Variants in SYNPO2 observed in about 807,000 individuals in gnomAD.
SYNPO2 encodes the protein synaptopodin-2.
A neutral mutation model predicts 85.0 loss-of-function variants in SYNPO2; 56 were observed. The observed-to-expected ratio is 0.66, with a 90% CI of 0.53 to 0.82. The LOEUF (loss-of-function observed/expected upper bound fraction) is 0.82, where lower values mean the gene tolerates loss of function less well. SYNPO2 is among the 40% of genes least tolerant of loss of function. The pLI is 0.00. For synonymous variants in SYNPO2, 602 were observed against 591.1 expected (o/e 1.02, Z -0.27); for missense variants, 1,575 against 1,534.2 (o/e 1.03, Z -0.44).
intron 1 of SYNPO2, among the ~76,000 whole-genome samples, chr4:118,974,350 A>ACAGT (rs1350258846): frequency 1.3e-5 from 2 of 152,262 alleles, no homozygotes; most frequent in African/African-American, 4.8e-5. Flanking sequence ...TTGTGAATAT[A>ACAGT]CAGTCCATCC....
At chr4:118,917,564 T>A (rs995316297) in intron 1 of SYNPO2, among the ~76,000 whole-genome samples, 6 of 152,330 alleles carry the variant, frequency 3.9e-5, no homozygotes, top group Non-Finnish European at 8.8e-5. Context: ...GCTTTTTAAT[T>A]TTTGAATTCT....
At chr4:118,885,922 C>G (rs1358964176), upstream of SYNPO2, among the ~76,000 whole-genome samples, 2 of 152,170 alleles carry the variant, frequency 1.3e-5, no homozygotes, top group Admixed American at 1.3e-4. Context: ...AACCCTGGCT[C>G]TATCGCTTAG....
At chr4:118,929,938 G>A (rs12648221) in intron 1 of SYNPO2, among the ~76,000 whole-genome samples, 91,154 of 151,896 alleles carry the variant, frequency 0.6, 28,497 homozygotes, top group East Asian at 0.82. Flanking sequence ...TTAGTAAATA[G>A]AAACTACATC....
chr4:118,879,369 T>C (rs895572238), intron 1 of SYNPO2, among the ~76,000 whole-genome samples: 3 of 152,158 alleles, frequency 2.0e-5, no homozygotes, highest in East Asian at 3.8e-4. Flanking sequence ...AATTCATATG[T>C]TGAATCCTAA....
At chr4:118,915,888 A>G (rs991539311) in intron 1 of SYNPO2, among the ~76,000 whole-genome samples, 3 of 152,110 alleles carry the variant, frequency 2.0e-5, no homozygotes, top group Non-Finnish European at 2.9e-5. Flanking sequence ...CCATTTTGCT[A>G]GATATAAAAT....
chr4:118,912,773 A>G (rs1733184880), intron 1 of SYNPO2, among the ~76,000 whole-genome samples: 2 of 152,176 alleles, frequency 1.3e-5, no homozygotes, highest in Admixed American at 6.5e-5. Flanking sequence ...AAAAAATAGG[A>G]CTTTAGGGTT....
At chr4:118,979,325 A>G (rs1258141224) in intron 1 of SYNPO2, among the ~76,000 whole-genome samples, 1 of 152,176 alleles carries the variant, frequency 6.6e-6, no homozygotes, top group Non-Finnish European at 1.5e-5. Flanking sequence ...TGTGGAAAGA[A>G]AGAATTTTGT....
At chr4:118,931,275 G>A (rs1045633966) in intron 1 of SYNPO2, among the ~76,000 whole-genome samples, 20 of 151,806 alleles carry the variant, frequency 1.3e-4, no homozygotes, top group Admixed American at 9.8e-4. Context: ...CATTCACAGA[G>A]CTATAAGTAG....
intron 1 of SYNPO2, among the ~76,000 whole-genome samples, chr4:118,990,049 G>A (rs866027715): frequency 7.9e-5 from 12 of 152,210 alleles, no homozygotes; most frequent in Middle Eastern, 3.2e-3. Flanking sequence ...AATCCCATAT[G>A]GCAGAGTGAT....
chr4:118,912,893 T>G (rs538177084), intron 1 of SYNPO2, among the ~76,000 whole-genome samples: 2 of 152,308 alleles, frequency 1.3e-5, no homozygotes, highest in South Asian at 4.1e-4. Flanking sequence ...ATTATTTTTG[T>G]TTGTAGCTTC....
chr4:118,871,422 A>G (rs926336656), intron 1 of SYNPO2, among the ~76,000 whole-genome samples: 3 of 151,248 alleles, frequency 2.0e-5, no homozygotes, highest in African/African-American at 4.9e-5. Context: ...TCTTCATAGC[A>G]TTTGCCACCA....
At chr4:119,001,766 G>C (rs1736832017) in intron 1 of SYNPO2, among the ~76,000 whole-genome samples, 1 of 151,768 alleles carries the variant, frequency 6.6e-6, no homozygotes, top group East Asian at 1.9e-4. Context: ...CCTTTGTCTA[G>C]TTTTCTTCTT....
At chr4:118,976,228 G>A (rs897697844) in intron 1 of SYNPO2, among the ~76,000 whole-genome samples, 86 of 152,122 alleles carry the variant, frequency 5.7e-4, no homozygotes, top group East Asian at 2.0e-4. Context: ...TGGTGGGTTC[G>A]TGGTCTCGCT....
At chr4:119,002,398 C>CT (rs1296426043) in intron 1 of SYNPO2, among the ~76,000 whole-genome samples, 4 of 152,112 alleles carry the variant, frequency 2.6e-5, no homozygotes, top group African/African-American at 9.7e-5. Context: ...GTAGTTGGGA[C>CT]TACAGGTGCT....
chr4:118,981,936 A>T (rs1273655772), intron 1 of SYNPO2, among the ~76,000 whole-genome samples: 1 of 152,198 alleles, frequency 6.6e-6, no homozygotes, highest in Non-Finnish European at 1.5e-5. Flanking sequence ...TTCAGAGGAA[A>T]ATAGTTGACT....
At chr4:118,916,812 A>T (rs1340824216) in intron 1 of SYNPO2, among the ~76,000 whole-genome samples, 1 of 144,040 alleles carries the variant, frequency 6.9e-6, no homozygotes, top group Non-Finnish European at 1.5e-5. Context: ...AGCTCACTGC[A>T]GCCTTGAACT....
intron 1 of SYNPO2, among the ~76,000 whole-genome samples, chr4:118,974,011 G>C (rs1735635296): frequency 6.6e-6 from 1 of 152,216 alleles, no homozygotes; most frequent in Admixed American, 6.5e-5. Flanking sequence ...TGAGGACGCT[G>C]ACTTAAATCA....
chr4:119,032,698 T>C, intron 4 of SYNPO2: 2 of 970,650 alleles, frequency 2.1e-6, no homozygotes, highest in Non-Finnish European at 2.4e-6. Context: ...TGTTTTTACA[T>C]ATATAAACTC....
upstream of SYNPO2, among the ~76,000 whole-genome samples, chr4:118,884,679 A>C (rs1732168830): frequency 6.6e-6 from 1 of 152,234 alleles, no homozygotes; most frequent in East Asian, 1.9e-4. Context: ...CAAATGTTCC[A>C]AGTCTAATAA....
Sources: gnomAD v4.1 joint callset for allele counts (sites outside exome capture counted in the v4.1 genomes callset) on GRCh38, gnomAD v4.1.1 for gene constraint, MANE v1.5 for transcripts, NCBI Gene and HGNC (gene_info 2026-07-23, HGNC 2026-07-21) for gene names.